The following ADGRA3 variants were observed in gnomAD, a reference collection of about 807,000 sequenced individuals.
ADGRA3 encodes adhesion G protein-coupled receptor A3.
Under a neutral mutation model 119.8 loss-of-function variants are expected in ADGRA3, and 56 were observed. The observed-to-expected ratio is 0.47, with a 90% CI of 0.38 to 0.58. ADGRA3 has a LOEUF of 0.58. Among genes scored for constraint, ADGRA3 ranks in the 20% least tolerant of loss-of-function variants. The pLI is 0.00. For synonymous variants in ADGRA3, 607 were observed against 623.8 expected, an observed-to-expected ratio of 0.97 and a Z score of 0.40; for missense variants, 1,516 against 1,649.0, an observed-to-expected ratio of 0.92 and a Z score of 1.40.
chr4:22,511,735 A>G (rs1719452965), intron 1 of ADGRA3, among the ~76,000 whole-genome samples: 2 of 152,010 alleles, frequency 1.3e-5, no homozygotes, highest in African/African-American at 2.4e-5. Context: ...TGGGCACCAG[A>G]CACTTACCTT....
chr4:22,398,986 A>G (rs563086458), intron 16 of ADGRA3, among the ~76,000 whole-genome samples: 1 of 152,302 alleles, frequency 6.6e-6, no homozygotes, highest in South Asian at 2.1e-4. Flanking sequence ...CATTCCCACC[A>G]ACTATGTAAA....
At chr4:22,481,676 T>C (rs528261315) in intron 1 of ADGRA3, among the ~76,000 whole-genome samples, 2 of 152,336 alleles carry the variant, frequency 1.3e-5, no homozygotes, top group Non-Finnish European at 2.9e-5. Flanking sequence ...AGATACCTCC[T>C]ACAATAATTT....
chr4:22,471,607 C>T lies in ADGRA3; in HGVS notation c.329+2165G>A, dbSNP rs2306137. On this transcript the variant is annotated intron_variant, in intron 2 of 18. Transcript: ENST00000334304. ...ACTGAGGCCAGGACTCCGGTCTGGA[C>T]CTTGATGTGTGTGTACTTTGGATGT... Among the ~76,000 whole-genome samples the T allele has an allele frequency of 9.2e-3, 1,396 of 152,214 alleles. 39 individuals carry two copies. Among genetic ancestry groups the T allele is most frequent in the East Asian group, 0.051 (266 of 5,166 alleles).
Position 22,414,397 on chromosome 4 carries a change from A to G in ADGRA3, c.1810-583T>C. On this transcript the variant is annotated intron_variant, in intron 12 of 18. Transcript: ENST00000334304. ...ATAATAACACATAGGAACAACTGAA[A>G]ATGCTGACTGATCACTGAATTTTTT... 1.3e-5 allele frequency: 6 copies of G among 466,668 alleles called. No individual in the cohort carries two copies. In the South Asian group the frequency reaches 2.4e-4, roughly 18 times the overall value. 28.9% of individuals were successfully genotyped at this position (466,668 alleles called of 1,614,324 possible).
intron 1 of ADGRA3, among the ~76,000 whole-genome samples, chr4:22,511,531 G>T (rs1196915531): frequency 1.3e-5 from 2 of 151,866 alleles, no homozygotes; most frequent in African/African-American, 2.4e-5. Flanking sequence ...AATAGAAATG[G>T]CTTTATTTTT....
chr4:22,416,960 T>A (rs951614454), intron 12 of ADGRA3, among the ~76,000 whole-genome samples: 21 of 152,290 alleles, frequency 1.4e-4, no homozygotes, highest in African/African-American at 4.6e-4. Context: ...AATAAAATTT[T>A]CAGAAATCTT....
At chr4:22,485,072 C>A (rs2109139590) in intron 1 of ADGRA3, among the ~76,000 whole-genome samples, 1 of 152,284 alleles carries the variant, frequency 6.6e-6, no homozygotes, top group Non-Finnish European at 1.5e-5. Flanking sequence ...AGCCCACCTA[C>A]TGACCCCACA....
At chr4:22,509,838 G>A (rs1382560525) in intron 1 of ADGRA3, among the ~76,000 whole-genome samples, 5 of 151,612 alleles carry the variant, frequency 3.3e-5, no homozygotes, top group African/African-American at 7.3e-5. Context: ...GTGAAACCCC[G>A]TCTCTACTAA....
intron 1 of ADGRA3, among the ~76,000 whole-genome samples, chr4:22,497,853 G>T (rs1718897462): frequency 1.3e-5 from 2 of 151,434 alleles, no homozygotes; most frequent in East Asian, 1.9e-4. Flanking sequence ...GCTGAGGTGG[G>T]GGATTGTTTG....
At chr4:22,398,249 G>A (rs906333725) in intron 16 of ADGRA3, 22 of 443,944 alleles carry the variant, frequency 5.0e-5, no homozygotes, top group Non-Finnish European at 6.0e-5. Context: ...TGGTACTCTT[G>A]AGATGCTTGA....
intron 5 of ADGRA3, among the ~76,000 whole-genome samples, chr4:22,447,204 A>G (rs1335603235): frequency 6.6e-6 from 1 of 152,168 alleles, no homozygotes; most frequent in African/African-American, 2.4e-5. Flanking sequence ...CAGTTTACTT[A>G]CTCTAAATAT....
intron 12 of ADGRA3, chr4:22,414,438 A>T: frequency 2.1e-6 from 1 of 471,188 alleles, no homozygotes; most frequent in Non-Finnish European, 3.7e-6. Flanking sequence ...TTCTTTATTG[A>T]GGATTTTTAA....
rs897439608 is a variant in ADGRA3 at position 22,453,984 on chromosome 4, C to T, written c.473+882G>A. ...CAAGCAATTCTCGTGACTCAGCCTCCCGAGTAGCTGGGACTACAGGCATGT... is the reference window on the plus strand; with the variant it reads ...CAAGCAATTCTCGTGACTCAGCCTCTCGAGTAGCTGGGACTACAGGCATGT... On this transcript the variant is annotated intron_variant, in intron 4 of 18. Coordinates refer to ENST00000334304, the MANE Select transcript of ADGRA3 (RefSeq NM_145290.4). 5.3e-5 allele frequency among the ~76,000 whole-genome samples: 8 copies of T among 152,036 alleles called. No individual in the cohort carries two copies. The East Asian group carries it at 1.4e-3, about 26-fold the overall frequency.
At chr4:22,455,776 G>C (rs764216881) in intron 3 of ADGRA3, 24 of 1,269,558 alleles carry the variant, frequency 1.9e-5, no homozygotes, top group Admixed American at 2.3e-5. Flanking sequence ...ACTTTATGTT[G>C]GGAGATAACC....
At chr4:22,396,867 C>T (rs1426941832) in intron 16 of ADGRA3, among the ~76,000 whole-genome samples, 1 of 152,190 alleles carries the variant, frequency 6.6e-6, no homozygotes, top group African/African-American at 2.4e-5. Flanking sequence ...GAAAATTCCA[C>T]TCAGGACAAT....
At chr4:22,512,407 T>C (rs1719480179) in intron 1 of ADGRA3, among the ~76,000 whole-genome samples, 1 of 152,168 alleles carries the variant, frequency 6.6e-6, no homozygotes, top group South Asian at 2.1e-4. Context: ...AGAAAGAGCA[T>C]GTTTTTATTT....
intron 3 of ADGRA3, among the ~76,000 whole-genome samples, chr4:22,458,949 C>T (rs1009730838): frequency 6.6e-6 from 1 of 152,130 alleles, no homozygotes; most frequent in African/African-American, 2.4e-5. Flanking sequence ...CCACCACTCA[C>T]CCCCAGCAAA....
At chr4:22,485,481 A>G (rs527395142) in intron 1 of ADGRA3, among the ~76,000 whole-genome samples, 1 of 151,876 alleles carries the variant, frequency 6.6e-6, no homozygotes, top group East Asian at 1.9e-4. Flanking sequence ...ATCTGAGACT[A>G]TGAATTAGAA....
chr4:22,467,928 C>T (rs12646648), intron 2 of ADGRA3, among the ~76,000 whole-genome samples: 81,789 of 152,016 alleles, frequency 0.54, 23,013 homozygotes, highest in East Asian at 0.69. Flanking sequence ...GAACTACCTC[C>T]TATAGGAAAG....
Sources: gnomAD v4.1 joint callset for allele counts (sites outside exome capture counted in the v4.1 genomes callset) on GRCh38, gnomAD v4.1.1 for gene constraint, MANE v1.5 for transcripts, NCBI Gene and HGNC (gene_info 2026-07-23, HGNC 2026-07-21) for gene names.